Variants in FAM107A observed in about 807,000 individuals in gnomAD.
FAM107A encodes the protein actin-associated protein FAM107A.
In FAM107A, 19 loss-of-function variants were observed where a neutral mutation model predicts 13.7. That is an observed-to-expected ratio of 1.38 (90% CI 0.97 to 2.03). The LOEUF (loss-of-function observed/expected upper bound fraction) is 2.03, where lower values mean the gene tolerates loss of function less well. Ranked by LOEUF, FAM107A falls within the 30% of genes most tolerant of loss-of-function variation. The pLI is 0.00. For missense variants in FAM107A, 203 were observed against 184.4 expected (o/e 1.10, Z -0.58); for synonymous variants, 82 against 74.5 (o/e 1.10, Z -0.52).
chr3:58,608,526 C>CA (rs746053395), intron 1 of FAM107A, among the ~76,000 whole-genome samples: 1 of 152,176 alleles, frequency 6.6e-6, no homozygotes, highest in Non-Finnish European at 1.5e-5. Flanking sequence ...TCCCCTGGAC[C>CA]AAACCTGCAA....
chr3:58,620,716 A>G (rs913681948), intron 1 of FAM107A, among the ~76,000 whole-genome samples: 1 of 152,190 alleles, frequency 6.6e-6, no homozygotes, highest in Non-Finnish European at 1.5e-5. Context: ...CGGATGTCCC[A>G]CTAACCCGTT....
At position 58,565,728 on chromosome 3, in the gene FAM107A, A is replaced by G. The variant is rs1304816292; in HGVS notation, c.*860T>C. On this transcript the variant is annotated 3_prime_UTR_variant, in exon 4 of 4. Coordinates refer to ENST00000360997, the MANE Select transcript of FAM107A (RefSeq NM_001076778.3). ...TTCAGGGGTGATATTTCCAATATAT[A>G]TCAGCCCTGGGCACTCTCGCCCTGC... is the stretch of plus-strand genomic sequence containing the variant. 6.6e-6 allele frequency: 1 copy of G among 152,050 alleles called. No homozygotes were observed. 9.4% of individuals were successfully genotyped at this position (152,050 alleles called of 1,614,324 possible). A position where few individuals can be genotyped will look rare whatever the true frequency, so the allele number is the denominator to read the frequency against.
chr3:58,587,194 T>TA, upstream of FAM107A: 1 of 1,072,050 alleles, frequency 9.3e-7, no homozygotes, highest in Non-Finnish European at 1.2e-6. Flanking sequence ...TGAGGACTCC[T>TA]AGCCCCGAGG....
upstream of FAM107A, chr3:58,589,113 T>G (rs936331630): frequency 1.2e-6 from 1 of 802,998 alleles, no homozygotes; most frequent in African/African-American, 1.7e-5. Context: ...AAAGTGGGAC[T>G]CAGGGAAATT....
intron 1 of FAM107A, among the ~76,000 whole-genome samples, chr3:58,574,893 T>C (rs1340692091): frequency 6.6e-6 from 1 of 151,052 alleles, no homozygotes; most frequent in Non-Finnish European, 1.5e-5. Flanking sequence ...CCACGGAGAG[T>C]GCACCGGGCC....
intron 1 of FAM107A, chr3:58,607,664 C>T (rs915007544): frequency 6.6e-6 from 1 of 152,218 alleles, no homozygotes; most frequent in Non-Finnish European, 1.5e-5. Flanking sequence ...AGAGATTCTC[C>T]TTGCTGGCTC....
intron 1 of FAM107A, among the ~76,000 whole-genome samples, chr3:58,571,505 T>A (rs2063683597): frequency 6.6e-6 from 1 of 152,206 alleles, no homozygotes; most frequent in Non-Finnish European, 1.5e-5. Flanking sequence ...CCTTCCTAAT[T>A]TTTTGGTCCT....
intron 1 of FAM107A, among the ~76,000 whole-genome samples, chr3:58,620,476 G>A (rs1463405729): frequency 3.3e-5 from 5 of 152,266 alleles, no homozygotes; most frequent in South Asian, 2.1e-4. Context: ...GGAAGGCTTC[G>A]TGGAAGAAGT....
chr3:58,626,873 G>T, intron 1 of FAM107A: 1 of 1,219,524 alleles, frequency 8.2e-7, no homozygotes, highest in Non-Finnish European at 1.2e-6. Context: ...GGCACTGCCG[G>T]CTGAAGCTGC....
chr3:58,580,118 T>A (rs1366382847), upstream of FAM107A, among the ~76,000 whole-genome samples: 1 of 152,154 alleles, frequency 6.6e-6, no homozygotes, highest in Non-Finnish European at 1.5e-5. Context: ...CAAGAGACTA[T>A]GCTACACCCC....
At chr3:58,579,984 CA>C (rs2065512943), upstream of FAM107A, among the ~76,000 whole-genome samples, 1 of 152,196 alleles carries the variant, frequency 6.6e-6, no homozygotes, top group African/African-American at 2.4e-5. Context: ...AACCTGAAGA[CA>C]CCGAAAACCT....
chr3:58,585,812 CT>C (rs1394938010), intron 1 of FAM107A, among the ~76,000 whole-genome samples: 6 of 152,332 alleles, frequency 3.9e-5, no homozygotes, highest in South Asian at 2.1e-4. Flanking sequence ...TTTGCTTTCT[CT>C]TTTTTTCCCC....
chr3:58,569,723 C>A lies in FAM107A; in HGVS notation c.138G>T (p.Glu46Asp), dbSNP rs1252271178. 1 of 1,613,966 alleles carries A rather than the reference C, an allele frequency of 6.2e-7. No homozygotes were observed. The change falls in exon 2 of 4, where the codon GAG (glutamate) becomes GAT (aspartate). Residue 46 changes from glutamate (E) to aspartate (D), a missense_variant. By Grantham distance (45) the Glu-to-Asp change is conservative. Coordinates refer to ENST00000360997, the MANE Select transcript of FAM107A (RefSeq NM_001076778.3). This position sits in a 1 kb window ranked among gnomAD's most constrained non-coding sequence, Gnocchi z 5.7. Reference sequence around the variant, plus strand: ...GGTTCATGAGCAGCTCCCGGTGGAGCTCCTGGTGACTCCGAGAGGCCTTCA... The same window carrying A: ...GGTTCATGAGCAGCTCCCGGTGGAGATCCTGGTGACTCCGAGAGGCCTTCA... The part of the protein sequence containing the change: ...NPVKASRSHQ[E>D]LHRELLMNHR...
intron 1 of FAM107A, among the ~76,000 whole-genome samples, chr3:58,576,936 T>TAC (rs917210766): frequency 2.0e-5 from 3 of 152,354 alleles, no homozygotes; most frequent in African/African-American, 7.2e-5. Context: ...ACTCTGAAGC[T>TAC]GAAATCTGTG....
chr3:58,573,809 C>A (rs1461146745), intron 1 of FAM107A, among the ~76,000 whole-genome samples: 3 of 152,206 alleles, frequency 2.0e-5, no homozygotes, highest in Non-Finnish European at 4.4e-5. Flanking sequence ...AGCCTTTGGA[C>A]CAAATCCCAC....
intron 1 of FAM107A, among the ~76,000 whole-genome samples, chr3:58,571,907 C>A (rs751195386): frequency 1.3e-5 from 2 of 152,174 alleles, no homozygotes; most frequent in African/African-American, 2.4e-5. Flanking sequence ...TCAGCCACAC[C>A]ATCCTTAAAA....
rs537715626 is a variant in FAM107A at position 58,623,739 on chromosome 3, C to G, written c.-70+3677G>C. Among the ~76,000 whole-genome samples, 95 of 152,304 alleles carry G rather than the reference C, an allele frequency of 6.2e-4. 1 individual carries two copies. Among genetic ancestry groups the G allele is most frequent in the African/African-American group, 2.1e-3 (87 of 41,556 alleles). Reference sequence around the variant, plus strand: ...ACTCCACCCTTACTAGCTGGGTGACCCTGAGCCTCTTGCTTAACCTCTCCA... The same window carrying G: ...ACTCCACCCTTACTAGCTGGGTGACGCTGAGCCTCTTGCTTAACCTCTCCA... On this transcript the variant is annotated intron_variant, in intron 1 of 3. Transcript: ENST00000465970.
intron 1 of FAM107A, among the ~76,000 whole-genome samples, chr3:58,572,080 A>G (rs1575439695): frequency 6.6e-6 from 1 of 152,240 alleles, no homozygotes; most frequent in Non-Finnish European, 1.5e-5. Context: ...GAGTTCAAGA[A>G]TGTGGCCAGA....
rs1268134667 is a variant in FAM107A at position 58,617,012 on chromosome 3, TC to T, written c.-70+10403del. On this transcript the variant is annotated intron_variant, in intron 1 of 3. Coordinates refer to the FAM107A transcript ENST00000465970. The surrounding 1 kb of genome is among the most constrained non-coding windows in gnomAD (Gnocchi z 4.5). ...TGGTCTCAATCTCTTGACCTTGTGA[TC>T]CGCCTGCCTCGGCCTCCCAAAGTGC... Among the ~76,000 whole-genome samples the T allele has an allele frequency of 1.3e-5, 2 of 152,182 alleles. No homozygotes were observed. Among genetic ancestry groups the T allele is most frequent in the Non-Finnish European group, 2.9e-5 (2 of 68,028 alleles).
Sources: gnomAD v4.1 joint callset for allele counts (sites outside exome capture counted in the v4.1 genomes callset) on GRCh38, gnomAD v4.1.1 for gene constraint, Gnocchi (gnomAD v3.1) non-coding constraint, MANE v1.5 for transcripts, NCBI Gene and HGNC (gene_info 2026-07-23, HGNC 2026-07-21) for gene names.